RBFOX1: variants seen among roughly 807,000 people sequenced by gnomAD.
RBFOX1 encodes the protein RNA binding fox-1 homolog 1.
Under a neutral mutation model 57.7 loss-of-function variants are expected in RBFOX1, and 8 were observed. The observed-to-expected ratio is 0.14, with a 90% CI of 0.08 to 0.25. The LOEUF is 0.25. RBFOX1 is among the 10% of genes least tolerant of loss of function. The pLI is 1.00. For missense variants in RBFOX1, 611 were observed against 548.5 expected (o/e 1.11, Z -1.14); for synonymous variants, 326 against 222.4 (o/e 1.47, Z -4.15).
At chr16:5,557,951 A>C (rs2045741710) in intron 2 of RBFOX1, among the ~76,000 whole-genome samples, 1 of 152,180 alleles carries the variant, frequency 6.6e-6, no homozygotes, top group African/African-American at 2.4e-5. Flanking sequence ...GAAAGAGAGA[A>C]GAGTAAGCAT....
intron 2 of RBFOX1, among the ~76,000 whole-genome samples, chr16:6,548,741 C>G (rs1301475268): frequency 6.6e-6 from 1 of 152,054 alleles, no homozygotes; most frequent in African/African-American, 2.4e-5. Context: ...TCTCTTGGTA[C>G]CAGGCATCGT....
At chr16:5,739,340 G>A (rs2052694247) in intron 3 of RBFOX1, among the ~76,000 whole-genome samples, 1 of 152,224 alleles carries the variant, frequency 6.6e-6, no homozygotes, top group Non-Finnish European at 1.5e-5. Context: ...TGCGTAGCAG[G>A]CAGTACTCAA....
chr16:6,679,718 G>C (rs948595185), intron 3 of RBFOX1, among the ~76,000 whole-genome samples: 1 of 152,124 alleles, frequency 6.6e-6, no homozygotes. Flanking sequence ...ACTTGAGTGA[G>C]TTCTTTGAGG....
At chr16:6,790,556 C>T (rs991512369) in intron 3 of RBFOX1, among the ~76,000 whole-genome samples, 1 of 152,164 alleles carries the variant, frequency 6.6e-6, no homozygotes, top group Non-Finnish European at 1.5e-5. Flanking sequence ...TATTTAGCCT[C>T]TATTCCCCCA....
intron 1 of RBFOX1, among the ~76,000 whole-genome samples, chr16:6,102,455 C>G (rs1216928298): frequency 6.6e-6 from 1 of 152,168 alleles, no homozygotes; most frequent in East Asian, 1.9e-4. Flanking sequence ...CAACATCAAT[C>G]ATTGAATTGC....
At chr16:5,929,176 G>T (rs1301543745) in intron 4 of RBFOX1, among the ~76,000 whole-genome samples, 1 of 152,108 alleles carries the variant, frequency 6.6e-6, no homozygotes, top group Admixed American at 6.6e-5. Flanking sequence ...GACAGGGAAG[G>T]GGCATTACCT....
chr16:6,226,068 G>T (rs2097414812), intron 1 of RBFOX1, among the ~76,000 whole-genome samples: 1 of 151,902 alleles, frequency 6.6e-6, no homozygotes, highest in Non-Finnish European at 1.5e-5. Flanking sequence ...GTGTAAATTA[G>T]TATTTCCCAG....
chr16:6,904,800 G>A (rs570775395), intron 3 of RBFOX1, among the ~76,000 whole-genome samples: 2 of 152,160 alleles, frequency 1.3e-5, no homozygotes, highest in African/African-American at 4.8e-5. Context: ...CACAAAGCTG[G>A]AGGAGAATGA....
intron 3 of RBFOX1, among the ~76,000 whole-genome samples, chr16:5,836,253 T>G (rs1187183148): frequency 6.6e-6 from 1 of 152,028 alleles, no homozygotes; most frequent in Non-Finnish European, 1.5e-5. Context: ...ACCTAAAGGC[T>G]TGAGACCCTG....
intron 3 of RBFOX1, among the ~76,000 whole-genome samples, chr16:6,858,956 A>T (rs2058394757): frequency 6.6e-6 from 1 of 151,414 alleles, no homozygotes; most frequent in Non-Finnish European, 1.5e-5. Context: ...CTGTCAATCA[A>T]AGGTAGGTAA....
Position 7,052,058 on chromosome 16 carries a change from T to C in RBFOX1, c.-14T>C, listed in dbSNP as rs1317326054. The C allele has an allele frequency of 6.2e-7, 1 of 1,612,604 alleles. No homozygotes were observed. The highest frequency in any genetic ancestry group is 8.5e-7 in the Non-Finnish European group (1 of 1,179,520). On this transcript the variant is annotated splice_region_variant and 5_prime_UTR_variant, in exon 4 of 16. Transcript: ENST00000550418. The stretch of plus-strand genomic sequence containing the variant: ...CCCTTCATTTTCTTTTCTTTCTAGG[T>C]TTCAAGACAACAGATGAATTGTGAA...
chr16:7,001,941 C>A (rs774099971), intron 3 of RBFOX1, among the ~76,000 whole-genome samples: 2 of 151,878 alleles, frequency 1.3e-5, no homozygotes, highest in African/African-American at 4.8e-5. Flanking sequence ...CTTTTTTTCT[C>A]CTGGAGTTTC....
At chr16:5,449,670 A>C (rs1049879518) in intron 1 of RBFOX1, among the ~76,000 whole-genome samples, 10 of 152,296 alleles carry the variant, frequency 6.6e-5, no homozygotes, top group African/African-American at 2.4e-4. Context: ...GAACAGTGGC[A>C]CAATCACAGC....
At chr16:6,749,562 A>G (rs913615839) in intron 3 of RBFOX1, among the ~76,000 whole-genome samples, 1 of 152,170 alleles carries the variant, frequency 6.6e-6, no homozygotes. Context: ...GCAGGCAGCC[A>G]TGCCGATTTC....
chr16:5,894,180 C>G (rs932183397), intron 4 of RBFOX1, among the ~76,000 whole-genome samples: 3 of 152,180 alleles, frequency 2.0e-5, no homozygotes, highest in Middle Eastern at 3.4e-3. Flanking sequence ...CCGGTGTTCC[C>G]TTTCACACCA....
chr16:7,291,378 T>TC (rs1352485922), intron 4 of RBFOX1, among the ~76,000 whole-genome samples: 3 of 152,162 alleles, frequency 2.0e-5, no homozygotes, highest in African/African-American at 7.2e-5. Flanking sequence ...TATAGCTTTT[T>TC]CCCCCTTTTC....
intron 4 of RBFOX1, among the ~76,000 whole-genome samples, chr16:7,114,596 C>A (rs1417373541): frequency 6.6e-6 from 1 of 152,190 alleles, no homozygotes; most frequent in East Asian, 1.9e-4. Flanking sequence ...AGCCCAAGAT[C>A]TTTCTCTTCT....
chr16:6,646,663 A>G (rs969442331), intron 2 of RBFOX1, among the ~76,000 whole-genome samples: 4 of 152,154 alleles, frequency 2.6e-5, no homozygotes, highest in African/African-American at 9.7e-5. Context: ...CAGAACGGGC[A>G]AAAGCAGACA....
intron 1 of RBFOX1, among the ~76,000 whole-genome samples, chr16:6,124,453 T>C (rs1452831196): frequency 6.6e-6 from 1 of 152,164 alleles, no homozygotes; most frequent in African/African-American, 2.4e-5. Flanking sequence ...CTGGGTTATT[T>C]CTTCACTCCA....
Sources: gnomAD v4.1 joint callset for allele counts (sites outside exome capture counted in the v4.1 genomes callset) on GRCh38, gnomAD v4.1.1 for gene constraint, MANE v1.5 for transcripts, NCBI Gene and HGNC (gene_info 2026-07-23, HGNC 2026-07-21) for gene names.